PTPN11: variants seen among roughly 807,000 people sequenced by gnomAD.
The protein encoded by PTPN11 is tyrosine-protein phosphatase non-receptor type 11.
PTPN11 carries 6 observed loss-of-function variants against 78.8 expected under a neutral mutation model. The ratio of observed to expected loss-of-function variants is 0.08; its 90% CI spans 0.04 to 0.15. PTPN11 has a LOEUF of 0.15. Among genes scored for constraint, PTPN11 ranks in the 10% least tolerant of loss-of-function variants. The pLI, the probability that PTPN11 is intolerant of heterozygous loss-of-function variation, is 1.00. For synonymous variants in PTPN11, 221 were observed against 263.5 expected, an observed-to-expected ratio of 0.84 and a Z score of 1.56; for missense variants, 386 against 744.8, an observed-to-expected ratio of 0.52 and a Z score of 5.61.
At chr12:112,430,507 C>T (rs191053015) in intron 1 of PTPN11, among the ~76,000 whole-genome samples, 3 of 152,184 alleles carry the variant, frequency 2.0e-5, no homozygotes, top group Admixed American at 2.0e-4. Context: ...TGGCTCACTG[C>T]AGCCTCAGAT....
chr12:112,501,042 C>G (rs889435247), intron 13 of PTPN11, among the ~76,000 whole-genome samples: 1 of 152,128 alleles, frequency 6.6e-6, no homozygotes, highest in African/African-American at 2.4e-5. Context: ...GTAGCTGGGA[C>G]TACAGGCCTG....
At chr12:112,462,538 A>G (rs1461348080) in intron 6 of PTPN11, among the ~76,000 whole-genome samples, 1 of 152,222 alleles carries the variant, frequency 6.6e-6, no homozygotes, top group African/African-American at 2.4e-5. Flanking sequence ...TTGAAAAAAC[A>G]AAGTGTATTC....
chr12:112,481,570 G>A (rs1017592525), intron 9 of PTPN11, among the ~76,000 whole-genome samples: 9 of 151,972 alleles, frequency 5.9e-5, no homozygotes, highest in African/African-American at 2.2e-4. Flanking sequence ...TCAGCTCACT[G>A]CAACCTCTGC....
Position 112,504,553 on chromosome 12 carries a change from A to C in PTPN11, c.1713-142A>C. 3 of 665,418 alleles carry C rather than the reference A, an allele frequency of 4.5e-6. No individual in the cohort carries two copies. The highest frequency in any genetic ancestry group is 8.2e-6 in the Non-Finnish European group (3 of 365,002). 41.2% of individuals were successfully genotyped at this position (665,418 alleles called of 1,614,324 possible). On this transcript the variant is annotated intron_variant, in intron 14 of 15. Coordinates refer to ENST00000351677, the MANE Select transcript of PTPN11 (RefSeq NM_002834.5). This position sits in a 1 kb window ranked among gnomAD's most constrained non-coding sequence, Gnocchi z 4.7. The stretch of plus-strand genomic sequence containing the variant: ...ATGGCTATCTCTTCTCTCCCTGGGA[A>C]TGTCAGGTCCTAGGCACAGGAACTG...
chr12:112,489,264 G>T, intron 13 of PTPN11, 89 bp downstream of exon 13: 1 of 1,468,222 alleles, frequency 6.8e-7, no homozygotes, highest in Non-Finnish European at 9.5e-7. Context: ...GACAGGCTCT[G>T]ATAGACAACT....
intron 2 of PTPN11, among the ~76,000 whole-genome samples, chr12:112,450,100 A>G (rs945070623): frequency 3.3e-5 from 5 of 152,136 alleles, no homozygotes; most frequent in Non-Finnish European, 7.4e-5. Flanking sequence ...AAAAAAAAAA[A>G]AAGATATGCA....
chr12:112,429,712 G>A (rs2037680514), intron 1 of PTPN11, among the ~76,000 whole-genome samples: 1 of 151,090 alleles, frequency 6.6e-6, no homozygotes, highest in African/African-American at 2.4e-5. Context: ...GCTGAAGCAG[G>A]AGAATCGCTT....
intron 2 of PTPN11, among the ~76,000 whole-genome samples, chr12:112,448,268 T>C (rs1038750120): frequency 6.6e-6 from 1 of 151,758 alleles, no homozygotes; most frequent in Non-Finnish European, 1.5e-5. Flanking sequence ...TGGAGTGCAG[T>C]GGTGTGATCT....
At chr12:112,501,991 A>T (rs1287435064) in intron 13 of PTPN11, among the ~76,000 whole-genome samples, 153 bp from the exon 14 acceptor site, 1 of 152,106 alleles carries the variant, frequency 6.6e-6, no homozygotes, top group Non-Finnish European at 1.5e-5. Flanking sequence ...GAATCCCCTA[A>T]CAATTTGGTC....
intron 2 of PTPN11, among the ~76,000 whole-genome samples, chr12:112,449,565 CACA>C (rs2092055875): frequency 6.6e-6 from 1 of 152,032 alleles, no homozygotes; most frequent in Admixed American, 6.6e-5. Context: ...TGAGTAGTAA[CACA>C]ACAATTTTTA....
chr12:112,446,527 G>A (rs2037996871), intron 2 of PTPN11, 129 bp downstream of exon 2: 1 of 1,367,158 alleles, frequency 7.3e-7, no homozygotes, highest in Non-Finnish European at 1.0e-6. Flanking sequence ...GCTGCCTTCA[G>A]GGTTTGGGGA....
intron 6 of PTPN11, among the ~76,000 whole-genome samples, chr12:112,463,120 C>T (rs1287736360): frequency 6.6e-6 from 1 of 151,914 alleles, no homozygotes; most frequent in Non-Finnish European, 1.5e-5. Context: ...TCTTATACTT[C>T]CTTTACAAAT....
chr12:112,479,828 C>T (rs1333980734), intron 9 of PTPN11, among the ~76,000 whole-genome samples: 1 of 152,160 alleles, frequency 6.6e-6, no homozygotes, highest in South Asian at 2.1e-4. Flanking sequence ...AGGGCCAAAT[C>T]ACTCTGCCCC....
At chr12:112,452,449 T>A (rs2038092343) in intron 3 of PTPN11, among the ~76,000 whole-genome samples, 1 of 152,174 alleles carries the variant, frequency 6.6e-6, no homozygotes, top group African/African-American at 2.4e-5. Flanking sequence ...TGGTCTCGAA[T>A]TCTTGACCTC....
intron 1 of PTPN11, among the ~76,000 whole-genome samples, chr12:112,423,041 T>C (rs2037549137): frequency 1.3e-5 from 2 of 152,200 alleles, no homozygotes; most frequent in African/African-American, 4.8e-5. Context: ...CTGGGAGTTG[T>C]GGACCCCAAC....
chr12:112,425,352 T>C (rs919778889), intron 1 of PTPN11, among the ~76,000 whole-genome samples: 1 of 152,128 alleles, frequency 6.6e-6, no homozygotes, highest in Non-Finnish European at 1.5e-5. Context: ...TCCCTATTGA[T>C]GCCTTTTTTT....
intron 1 of PTPN11, among the ~76,000 whole-genome samples, chr12:112,437,000 G>A (rs2037803022): frequency 6.6e-6 from 1 of 152,008 alleles, no homozygotes; most frequent in Admixed American, 6.6e-5. Context: ...GATGAAAGGT[G>A]ATGTTAAAAT....
At chr12:112,440,920 T>A (rs142058544) in intron 1 of PTPN11, among the ~76,000 whole-genome samples, 42 of 151,574 alleles carry the variant, frequency 2.8e-4, no homozygotes, top group African/African-American at 9.9e-4. Flanking sequence ...AGCAAATGAA[T>A]ATTTCATTAT....
chr12:112,490,585 A>G (rs1043002211), intron 13 of PTPN11, among the ~76,000 whole-genome samples: 3 of 151,982 alleles, frequency 2.0e-5, no homozygotes, highest in Non-Finnish European at 4.4e-5. Context: ...TAGGACTACA[A>G]ATTTGTGGCT....
Sources: allele counts gnomAD v4.1 joint callset (sites outside exome capture counted in the v4.1 genomes callset), GRCh38; gene constraint gnomAD v4.1.1; non-coding constraint Gnocchi (gnomAD v3.1); transcripts MANE v1.5; gene names NCBI Gene and HGNC (gene_info 2026-07-23, HGNC 2026-07-21).